The following ATP10A variants were observed in gnomAD, a reference collection of about 807,000 sequenced individuals.
The protein encoded by ATP10A is ATPase phospholipid transporting 10A (putative), also known as phospholipid-transporting ATPase VA.
A neutral mutation model predicts 147.8 loss-of-function variants in ATP10A; 111 were observed. The ratio of observed to expected loss-of-function variants is 0.75; its 90% confidence interval spans 0.64 to 0.88. ATP10A has a LOEUF of 0.88. ATP10A is among the 40% of genes least tolerant of loss of function. The probability of loss-of-function intolerance (pLI) is 0.00; values close to 1 mark genes in which losing one functional copy is unlikely to be tolerated. For synonymous variants in ATP10A, 875 were observed against 841.6 expected (o/e 1.04, Z -0.69); for missense variants, 1,927 against 1,959.0 (o/e 0.98, Z 0.31).
At chr15:25,709,000 C>G (rs557688205) in intron 10 of ATP10A, 1 of 152,336 alleles carries the variant, frequency 6.6e-6, no homozygotes, top group Non-Finnish European at 1.5e-5. Context: ...AAGTCCACCA[C>G]CTGAAAGAGG....
At chr15:25,706,253 G>C (rs1164296952) in intron 12 of ATP10A, among the ~76,000 whole-genome samples, 1 of 152,208 alleles carries the variant, frequency 6.6e-6, no homozygotes, top group Non-Finnish European at 1.5e-5. Context: ...TCCGGGCCAA[G>C]AGAGGTGACC....
chr15:25,807,178 T>C (rs1449325039), intron 1 of ATP10A, among the ~76,000 whole-genome samples: 3 of 152,232 alleles, frequency 2.0e-5, no homozygotes, highest in Admixed American at 6.5e-5. Context: ...CTTACGTTTT[T>C]CAAGCATCTG....
chr15:25,857,502 AAG>A (rs1356899777), intron 1 of ATP10A, among the ~76,000 whole-genome samples: 1 of 152,212 alleles, frequency 6.6e-6, no homozygotes, highest in Non-Finnish European at 1.5e-5. Context: ...TAGTTTTAAG[AAG>A]AGTCATGCTT....
intron 1 of ATP10A, among the ~76,000 whole-genome samples, chr15:25,830,192 C>T (rs1289426909): frequency 1.3e-5 from 2 of 152,090 alleles, no homozygotes; most frequent in Non-Finnish European, 2.9e-5. Context: ...GGGGTAAATG[C>T]AGGAGAGGGG....
At chr15:25,795,288 G>A (rs1890621289) in intron 1 of ATP10A, among the ~76,000 whole-genome samples, 1 of 152,058 alleles carries the variant, frequency 6.6e-6, no homozygotes, top group Admixed American at 6.5e-5. Context: ...CACCGTCCAC[G>A]TGACTAAGAC....
intron 2 of ATP10A, among the ~76,000 whole-genome samples, chr15:25,766,581 C>T (rs116482534): frequency 6.6e-6 from 1 of 151,838 alleles, no homozygotes; most frequent in Non-Finnish European, 1.5e-5. Flanking sequence ...GCAGGAAGCT[C>T]CACCAGCCTC....
intron 12 of ATP10A, among the ~76,000 whole-genome samples, chr15:25,702,850 G>C (rs939052600): frequency 6.6e-6 from 1 of 151,396 alleles, no homozygotes; most frequent in Non-Finnish European, 1.5e-5. Flanking sequence ...CCCTAGGTTC[G>C]AGCCCTGACT....
chr15:25,756,136 C>A (rs1888395583), intron 2 of ATP10A, among the ~76,000 whole-genome samples: 1 of 152,160 alleles, frequency 6.6e-6, no homozygotes, highest in South Asian at 2.1e-4. Context: ...CCCTTTGAGA[C>A]TGCAAATTTA....
chr15:25,673,571 C>A (rs779099568), downstream of ATP10A, among the ~76,000 whole-genome samples: 2 of 152,210 alleles, frequency 1.3e-5, no homozygotes, highest in Non-Finnish European at 2.9e-5. Context: ...CGTTGCCCTT[C>A]CAAGTGACGG....
At chr15:25,687,338 G>A (rs1899746276) in intron 16 of ATP10A, among the ~76,000 whole-genome samples, 1 of 152,108 alleles carries the variant, frequency 6.6e-6, no homozygotes, top group Admixed American at 6.5e-5. Flanking sequence ...CCTGGGAGCA[G>A]GACTGGGTGG....
intron 12 of ATP10A, among the ~76,000 whole-genome samples, chr15:25,705,232 G>A (rs36067619): frequency 0.26 from 39,614 of 151,786 alleles, 5,563 homozygotes; most frequent in Non-Finnish European, 0.32. Flanking sequence ...CGTTAAACCA[G>A]GAGTTTGAGA....
At position 25,679,226 on chromosome 15, in the gene ATP10A, A is replaced by G; in HGVS notation, c.*115T>C. The G allele has an allele frequency of 1.2e-6, 1 of 856,234 alleles. No individual in the cohort carries two copies. The highest frequency in any genetic ancestry group is 4.3e-5 in the Admixed American group (1 of 23,316). 53.0% of individuals were successfully genotyped at this position (856,234 alleles called of 1,614,324 possible). A position where few individuals can be genotyped will look rare whatever the true frequency, so the allele number is the denominator to read the frequency against. On this transcript the variant is annotated 3_prime_UTR_variant, in exon 21 of 21. Transcript: ENST00000555815. ...TTTTTTGGTACCTCTTGTTTCCTGT[A>G]TTAGCCTGGGAAACATTTAGAAATA...
intron 5 of ATP10A, among the ~76,000 whole-genome samples, chr15:25,724,256 G>A (rs929504779): frequency 6.6e-6 from 1 of 152,170 alleles, no homozygotes; most frequent in Non-Finnish European, 1.5e-5. Flanking sequence ...CCCATTGTTG[G>A]TGCTAAGTGG....
At chr15:25,727,120 C>A (rs751457391) in intron 4 of ATP10A, 40 bp downstream of exon 4, 3 of 1,428,224 alleles carry the variant, frequency 2.1e-6, no homozygotes, top group Non-Finnish European at 2.0e-6. Flanking sequence ...GAGAACACAG[C>A]GCTGTCTGGC....
intron 2 of ATP10A, among the ~76,000 whole-genome samples, chr15:25,762,364 T>TC (rs1888806030): frequency 1.3e-5 from 2 of 151,900 alleles, no homozygotes; most frequent in African/African-American, 4.8e-5. Context: ...GCAGCCTTGA[T>TC]CTTCTGGCCT....
rs559222851 is a variant in ATP10A, at chr15:25,790,506, C to A, written c.450-9283G>T. ...CACCCCCAGAGGGCAGGGCCTCTGG[C>A]CTCTTTTTAGAATGAAGAAAGGATG... On this transcript the variant is annotated intron_variant, in intron 1 of 20. Transcript: ENST00000555815. 2.6e-5 allele frequency among the ~76,000 whole-genome samples: 4 copies of A among 152,298 alleles called. No homozygotes were observed. In the East Asian group the frequency reaches 7.7e-4, roughly 29 times the overall value.
At chr15:25,824,573 T>G (rs2140853363) in intron 1 of ATP10A, among the ~76,000 whole-genome samples, 1 of 128,014 alleles carries the variant, frequency 7.8e-6, no homozygotes, top group Admixed American at 8.1e-5. Flanking sequence ...TTTTTTTTTT[T>G]TGCATTTTAA....
At chr15:25,822,172 G>A (rs546270942) in intron 1 of ATP10A, among the ~76,000 whole-genome samples, 1 of 152,296 alleles carries the variant, frequency 6.6e-6, no homozygotes, top group South Asian at 2.1e-4. Context: ...AAAAAGGTCT[G>A]TATGTGTTCA....
At position 25,680,829 on chromosome 15, in the gene ATP10A, C is replaced by T; in HGVS notation, c.3659G>A (p.Gly1220Asp). The T allele has an allele frequency of 1.2e-6, 2 of 1,613,546 alleles. No individual in the cohort carries two copies. Among genetic ancestry groups the T allele is most frequent in the South Asian group, 1.1e-5 (1 of 91,038 alleles). The change falls in exon 19 of 21, where the codon GGC becomes GAC. Residue 1220 changes from glycine (G) to aspartate (D), a missense_variant. Transcript: ENST00000555815. ...TCTTACCCAGGTTTTGGTTTCAATG[C>T]CCAGGTGGAGCAGGAAAGTGAGCAG... ...IALLTFLLHL[G>D]IETKTWTWLN...
Sources: allele counts gnomAD v4.1 joint callset (sites outside exome capture counted in the v4.1 genomes callset), GRCh38; gene constraint gnomAD v4.1.1; transcripts MANE v1.5; gene names NCBI Gene and HGNC (gene_info 2026-07-23, HGNC 2026-07-21).